The following ERBB4 variants were observed in gnomAD, a reference collection of about 807,000 sequenced individuals.
ERBB4 encodes receptor tyrosine-protein kinase erbB-4.
In ERBB4, 42 loss-of-function variants were observed where a neutral mutation model predicts 158.0. The observed-to-expected ratio is 0.27, with a 90% CI of 0.21 to 0.34. The LOEUF (loss-of-function observed/expected upper bound fraction) is 0.34, where lower values mean the gene tolerates loss of function less well. Ranked by LOEUF, ERBB4 falls within the 10% of genes least tolerant of loss-of-function variation. The pLI, the probability that ERBB4 is intolerant of heterozygous loss-of-function variation, is 1.00. For missense variants in ERBB4, 1,333 were observed against 1,624.1 expected, an observed-to-expected ratio of 0.82 and a Z score of 3.08; for synonymous variants, 583 against 558.7, an observed-to-expected ratio of 1.04 and a Z score of -0.61.
chr2:212,117,251 A>AT (rs2079598400), intron 2 of ERBB4, among the ~76,000 whole-genome samples: 2 of 152,204 alleles, frequency 1.3e-5, no homozygotes, highest in Admixed American at 1.3e-4. Flanking sequence ...AATATGTAAC[A>AT]TTTTACCACA....
At chr2:211,577,475 T>G (rs1362526492) in intron 19 of ERBB4, among the ~76,000 whole-genome samples, 1 of 152,030 alleles carries the variant, frequency 6.6e-6, no homozygotes, top group Non-Finnish European at 1.5e-5. Context: ...GCCAGTATCA[T>G]CCTGACACCA....
intron 23 of ERBB4, among the ~76,000 whole-genome samples, chr2:211,422,644 G>C (rs1225532429): frequency 6.6e-6 from 1 of 151,872 alleles, no homozygotes; most frequent in Non-Finnish European, 1.5e-5. Flanking sequence ...AGATAAAGCA[G>C]ACCTTATCTC....
intron 17 of ERBB4, among the ~76,000 whole-genome samples, chr2:211,624,461 T>A (rs1295935693): frequency 6.6e-6 from 1 of 152,256 alleles, no homozygotes; most frequent in Admixed American, 6.5e-5. Flanking sequence ...AAAACTTTAG[T>A]GTATATCTGA....
At chr2:211,487,134 T>C (rs1183939100) in intron 20 of ERBB4, among the ~76,000 whole-genome samples, 1 of 145,408 alleles carries the variant, frequency 6.9e-6, no homozygotes, top group African/African-American at 2.5e-5. Context: ...CTCCTAATGC[T>C]ATCCCTCCCC....
chr2:212,289,971 T>C (rs17346685), intron 1 of ERBB4, among the ~76,000 whole-genome samples: 5,429 of 152,194 alleles, frequency 0.036, 140 homozygotes, highest in South Asian at 0.083. Flanking sequence ...AACTCCTCTA[T>C]TCGTAGCATA....
chr2:211,764,038 TA>T (rs1384882184), intron 4 of ERBB4, among the ~76,000 whole-genome samples: 1 of 152,196 alleles, frequency 6.6e-6, no homozygotes, highest in East Asian at 1.9e-4. Context: ...ATGGAGGTTA[TA>T]AGAAAATGAC....
rs772306768 is a variant in ERBB4 at position 211,381,148 on chromosome 2, A to AAGTT, written c.*2463_*2466dup. ...ATCACTCTGTGTCTTTACCCCTGAA[A>AAGTT]AGTTTGAGGGTGAACTTCACTAGAA... On this transcript the variant is annotated 3_prime_UTR_variant, in exon 28 of 28. Coordinates refer to ENST00000342788, the MANE Select transcript of ERBB4 (RefSeq NM_005235.3). 5 of 232,390 alleles carry AAGTT rather than the reference A, an allele frequency of 2.2e-5. No homozygotes were observed. Among genetic ancestry groups the AAGTT allele is most frequent in the South Asian group, 1.8e-4 (1 of 5,516 alleles). The allele number at this position is 232,390 out of a possible 1,614,324, so 14.4% of individuals were successfully genotyped here. A position where few individuals can be genotyped will look rare whatever the true frequency, so the allele number is the denominator to read the frequency against.
At chr2:211,622,541 T>C (rs1247918751) in intron 18 of ERBB4, among the ~76,000 whole-genome samples, 1 of 152,192 alleles carries the variant, frequency 6.6e-6, no homozygotes, top group East Asian at 1.9e-4. Context: ...TAATTATTAA[T>C]ATTTTTTGTT....
rs1210166260 is a variant in ERBB4, at chr2:211,773,633, T to TATA, written c.556+14389_556+14391dup. On this transcript the variant is annotated intron_variant, in intron 4 of 27. Coordinates refer to ENST00000342788, the MANE Select transcript of ERBB4 (RefSeq NM_005235.3). ...ATATATATATATATATATATATATATATATATATATATATAATATATATAC... is the reference window on the plus strand; with the variant it reads ...ATATATATATATATATATATATATATATAATATATATATATATAATATATATAC... 5.5e-4 allele frequency among the ~76,000 whole-genome samples: 57 copies of TATA among 102,840 alleles called. 1 individual carries two copies. The highest frequency in any genetic ancestry group is 2.3e-3 in the African/African-American group (50 of 21,984). 67.5% of individuals were successfully genotyped at this position (102,840 alleles called of 152,430 possible).
intron 1 of ERBB4, among the ~76,000 whole-genome samples, chr2:212,445,531 A>C (rs2092332047): frequency 6.6e-6 from 1 of 152,090 alleles, no homozygotes; most frequent in Non-Finnish European, 1.5e-5. Context: ...CTAAGGAGGG[A>C]GTTACAGTGT....
chr2:211,678,300 CA>C (rs66468350), intron 13 of ERBB4, among the ~76,000 whole-genome samples: 41,890 of 96,436 alleles, frequency 0.43, 7,399 homozygotes, highest in East Asian at 0.9. Flanking sequence ...AACAAACAAA[CA>C]AAAAAAAACA....
intron 1 of ERBB4, among the ~76,000 whole-genome samples, chr2:212,503,118 C>G (rs778668040): frequency 2.0e-5 from 3 of 152,280 alleles, no homozygotes; most frequent in Admixed American, 6.5e-5. Flanking sequence ...TGCAAATGGT[C>G]CTAGGGAGAA....
intron 1 of ERBB4, among the ~76,000 whole-genome samples, chr2:212,333,861 C>T (rs1312673260): frequency 6.6e-6 from 1 of 151,934 alleles, no homozygotes; most frequent in African/African-American, 2.4e-5. Context: ...AAGAAAAAAA[C>T]CTTCTTGACT....
intron 19 of ERBB4, among the ~76,000 whole-genome samples, chr2:211,566,152 C>G (rs1423503121): frequency 2.6e-5 from 4 of 152,124 alleles, no homozygotes; most frequent in African/African-American, 7.2e-5. Flanking sequence ...TCCAATGGCT[C>G]AGAGAGAAGA....
chr2:212,303,155 C>T (rs1439838110), intron 1 of ERBB4, among the ~76,000 whole-genome samples: 1 of 151,358 alleles, frequency 6.6e-6, no homozygotes, highest in Non-Finnish European at 1.5e-5. Flanking sequence ...CCCATCATCG[C>T]TTAACTGTCT....
chr2:211,622,876 T>C (rs2125854364), intron 18 of ERBB4, among the ~76,000 whole-genome samples: 1 of 140,108 alleles, frequency 7.1e-6, no homozygotes, highest in South Asian at 2.3e-4. Context: ...GGCAGGAGAA[T>C]AGCTGGAACC....
chr2:212,079,876 G>A (rs967335464), intron 2 of ERBB4, among the ~76,000 whole-genome samples: 3 of 152,004 alleles, frequency 2.0e-5, no homozygotes, highest in Non-Finnish European at 4.4e-5. Flanking sequence ...GATATAAATG[G>A]ATGAAGCTAA....
chr2:211,678,304 A>AAAC (rs2072174750), intron 13 of ERBB4, among the ~76,000 whole-genome samples: 1 of 45,950 alleles, frequency 2.2e-5, no homozygotes, highest in African/African-American at 1.3e-4. Flanking sequence ...AACAAACAAA[A>AAAC]AAAAACAAAC....
chr2:212,113,160 T>A lies in ERBB4; in HGVS notation c.234+11592A>T, dbSNP rs145690869. Among the ~76,000 whole-genome samples, 403 of 152,244 alleles carry A rather than the reference T, an allele frequency of 2.6e-3. 1 individual carries two copies. Among genetic ancestry groups the A allele is most frequent in the Non-Finnish European group, 4.1e-3 (277 of 68,012 alleles). On this transcript the variant is annotated intron_variant, in intron 2 of 27. Transcript: ENST00000342788. ...CATGTTAAGGTTAGGGGAATAGAGA[T>A]AGCTTATATTTAGAACAAGTTAGTA...
Sources: allele counts gnomAD v4.1 joint callset (sites outside exome capture counted in the v4.1 genomes callset), GRCh38; gene constraint gnomAD v4.1.1; transcripts MANE v1.5; gene names NCBI Gene and HGNC (gene_info 2026-07-23, HGNC 2026-07-21).